The following MPHOSPH9 variants were observed in gnomAD, a reference collection of about 807,000 sequenced individuals.
The protein encoded by MPHOSPH9 is M-phase phosphoprotein 9.
Under a neutral mutation model 145.5 loss-of-function variants are expected in MPHOSPH9, and 88 were observed. That is an observed-to-expected ratio of 0.60 (90% CI 0.51 to 0.72). The LOEUF is 0.72. Among genes scored for constraint, MPHOSPH9 ranks in the 30% least tolerant of loss-of-function variants. The probability of loss-of-function intolerance (pLI) is 0.00; values close to 1 mark genes in which losing one functional copy is unlikely to be tolerated. For missense variants in MPHOSPH9, 1,238 were observed against 1,386.6 expected, an observed-to-expected ratio of 0.89 and a Z score of 1.70; for synonymous variants, 435 against 486.2, an observed-to-expected ratio of 0.89 and a Z score of 1.39.
intron 8 of MPHOSPH9, among the ~76,000 whole-genome samples, chr12:123,205,410 G>A (rs1163315344): frequency 6.6e-6 from 1 of 152,146 alleles, no homozygotes; most frequent in Admixed American, 6.5e-5. Flanking sequence ...GCCGGGTGTG[G>A]TGGTGCGTGC....
intron 11 of MPHOSPH9, among the ~76,000 whole-genome samples, chr12:123,199,251 C>T (rs1469500410): frequency 6.6e-6 from 1 of 152,052 alleles, no homozygotes; most frequent in East Asian, 1.9e-4. Context: ...CATATTATGA[C>T]CTTCTGTACT....
intron 13 of MPHOSPH9, 146 bp downstream of exon 13, chr12:123,194,240 G>A: frequency 1.7e-6 from 1 of 582,190 alleles, no homozygotes; most frequent in South Asian, 2.4e-5. Flanking sequence ...CTGCACTCCA[G>A]CCTGGGTGTC....
intron 1 of MPHOSPH9, among the ~76,000 whole-genome samples, chr12:123,230,732 T>C (rs1226396470): frequency 6.6e-6 from 1 of 152,114 alleles, no homozygotes; most frequent in Admixed American, 6.5e-5. Context: ...TAGAACAGGA[T>C]AGGATTCAGC....
intron 3 of MPHOSPH9, 24 bp from the exon 4 acceptor site, chr12:123,223,151 G>T (rs774760735): frequency 7.7e-5 from 98 of 1,279,358 alleles, no homozygotes; most frequent in Middle Eastern, 2.2e-4. Flanking sequence ...AAATATTTTA[G>T]TTAAAAATAA....
intron 7 of MPHOSPH9, among the ~76,000 whole-genome samples, chr12:123,214,428 T>C (rs1462649824): frequency 6.6e-6 from 1 of 152,132 alleles, no homozygotes; most frequent in East Asian, 1.9e-4. Flanking sequence ...CCAGCTATTC[T>C]TGGGAAGCTG....
chr12:123,214,631 T>G, intron 7 of MPHOSPH9, 113 bp downstream of exon 7: 3 of 770,076 alleles, frequency 3.9e-6, no homozygotes, highest in Non-Finnish European at 2.1e-6. Flanking sequence ...TATCATCCCA[T>G]ATGGAGAAAT....
chr12:123,232,741 T>C (rs1331870986), intron 1 of MPHOSPH9, among the ~76,000 whole-genome samples: 2 of 151,924 alleles, frequency 1.3e-5, no homozygotes, highest in African/African-American at 4.8e-5. Flanking sequence ...CTCCTGCAAC[T>C]ACAACCGCGA....
chr12:123,181,739 A>G (rs2045158624), intron 13 of MPHOSPH9, among the ~76,000 whole-genome samples: 1 of 151,988 alleles, frequency 6.6e-6, no homozygotes, highest in Admixed American at 6.6e-5. Context: ...TTAAAAAAAA[A>G]TAGCTGAACA....
At position 123,221,881 on chromosome 12, in the gene MPHOSPH9, C is replaced by A. The variant is rs568663593; in HGVS notation, c.363G>T (p.Glu121Asp). The A allele has an allele frequency of 1.3e-6, 2 of 1,569,250 alleles. No homozygotes were observed. Among genetic ancestry groups the A allele is most frequent in the South Asian group, 2.3e-5 (2 of 86,668 alleles). Residue 121 changes from glutamate (E) to aspartate (D), a missense_variant, in exon 5 of 24, where the codon GAG (glutamate) becomes GAT (aspartate). Around this residue, in one of 3 missense-constraint regions of MPHOSPH9, gnomAD observed 837 missense variants for 897.5 expected, o/e 0.93. Transcript: ENST00000606320. ...FHNQIQHIQE[E>D]IKNLVKLQTS... The stretch of plus-strand genomic sequence containing the variant: ...TCTGTAATTTGACTAAATTTTTTAT[C>A]TCCTCCTGTATATGCTGGAAATAAA...
intron 7 of MPHOSPH9, among the ~76,000 whole-genome samples, chr12:123,212,083 G>A (rs527814226): frequency 6.6e-6 from 1 of 152,266 alleles, no homozygotes; most frequent in East Asian, 1.9e-4. Context: ...AGGCTGGGGA[G>A]GCAGGAGGAG....
At chr12:123,188,055 G>A (rs185256723) in intron 13 of MPHOSPH9, among the ~76,000 whole-genome samples, 117 of 152,222 alleles carry the variant, frequency 7.7e-4, no homozygotes, top group Middle Eastern at 3.4e-3. Flanking sequence ...GAAGCCGGGA[G>A]GCAGAGGTTG....
intron 12 of MPHOSPH9, among the ~76,000 whole-genome samples, chr12:123,196,093 T>G (rs1356819182): frequency 6.6e-6 from 1 of 150,712 alleles, no homozygotes; most frequent in African/African-American, 2.4e-5. Context: ...TGGGTGCCAG[T>G]AACCCCAGCA....
At chr12:123,164,217 C>G in intron 18 of MPHOSPH9, 127 bp from the exon 19 acceptor site, 1 of 1,032,328 alleles carries the variant, frequency 9.7e-7, no homozygotes, top group South Asian at 1.5e-5. Context: ...AGGTTCTGCT[C>G]AAAGCATTTA....
chr12:123,163,505 T>C (rs987717283), intron 19 of MPHOSPH9: 3 of 200,148 alleles, frequency 1.5e-5, no homozygotes, highest in African/African-American at 2.3e-5. Context: ...ATTCAATGCT[T>C]CAACTTTAAA....
chr12:123,156,947 A>C, intron 23 of MPHOSPH9, 39 bp from the exon 24 acceptor site: 1 of 1,507,704 alleles, frequency 6.6e-7, no homozygotes, highest in Non-Finnish European at 9.2e-7. Context: ...TTAGAATTCT[A>C]TACCAAGTTC....
intron 11 of MPHOSPH9, among the ~76,000 whole-genome samples, chr12:123,199,835 C>A (rs1565941284): frequency 6.6e-6 from 1 of 151,580 alleles, no homozygotes; most frequent in Non-Finnish European, 1.5e-5. Context: ...TCATTGATCC[C>A]ATTTTACAGT....
chr12:123,194,709 C>T, intron 12 of MPHOSPH9, 108 bp from the exon 13 acceptor site: 2 of 733,574 alleles, frequency 2.7e-6, no homozygotes, highest in Non-Finnish European at 4.2e-6. Flanking sequence ...GCAACCTCTG[C>T]CTCCCAGGTT....
rs200632067 is a variant in MPHOSPH9 at position 123,163,940 on chromosome 12, T to C, written c.2908+10A>G. 20 of 1,614,066 alleles carry C rather than the reference T, an allele frequency of 1.2e-5. No homozygotes were observed. The Admixed American group carries it at 2.2e-4, about 17-fold the overall frequency. The stretch of plus-strand genomic sequence containing the variant: ...TTTGAACCCAAGAGATGTACACATC[T>C]AACTCTTACTTGGAGTACTTGATTT... On this transcript the variant is annotated intron_variant, in intron 19 of 23. Transcript: ENST00000606320.
In MPHOSPH9 at chr12:123,218,442, A is replaced by C. The variant is rs577223606; in HGVS notation, c.930T>G (p.His310Gln). 1 of 1,613,778 alleles carries C rather than the reference A, an allele frequency of 6.2e-7. No homozygotes were observed. Among genetic ancestry groups the C allele is most frequent in the East Asian group, 2.2e-5 (1 of 44,864 alleles). ...KLKQNQPKRA[H>Q]VEDGGSRSKQ... Reference sequence around the variant, plus strand: ...TAGATCTTGAACCTCCATCTTCTACATGTGCTCTCTTTGGTTGGTTCTGCT... The same window carrying C: ...TAGATCTTGAACCTCCATCTTCTACCTGTGCTCTCTTTGGTTGGTTCTGCT... Residue 310 changes from histidine (H) to glutamine (Q), a missense_variant, in exon 6 of 24, where the codon CAT (histidine) becomes CAG (glutamine). Physicochemically the swap from His to Gln is conservative, Grantham distance 24. Coordinates refer to ENST00000606320, the MANE Select transcript of MPHOSPH9 (RefSeq NM_022782.4).
Sources: allele counts gnomAD v4.1 joint callset (sites outside exome capture counted in the v4.1 genomes callset), GRCh38; gene constraint gnomAD v4.1.1; regional missense constraint gnomAD v4.1.1; transcripts MANE v1.5; gene names NCBI Gene and HGNC (gene_info 2026-07-23, HGNC 2026-07-21).